Variants in HECW1 observed in about 807,000 individuals in gnomAD.
HECW1 encodes E3 ubiquitin-protein ligase HECW1.
In HECW1, 61 loss-of-function variants were observed where a neutral mutation model predicts 182.3. The observed-to-expected ratio is 0.33, with a 90% CI of 0.27 to 0.41. The LOEUF is 0.41. HECW1 is among the 10% of genes least tolerant of loss of function. The pLI, the probability that HECW1 is intolerant of heterozygous loss-of-function variation, is 1.00. For missense variants in HECW1, 1,739 were observed against 2,108.9 expected (o/e 0.82, Z 3.44); for synonymous variants, 859 against 832.6 (o/e 1.03, Z -0.55).
chr7:43,521,021 T>G (rs1172108158), intron 24 of HECW1, among the ~76,000 whole-genome samples: 1 of 152,172 alleles, frequency 6.6e-6, no homozygotes, highest in African/African-American at 2.4e-5. Context: ...AAACCCAGGT[T>G]TCATGCCTGC....
At chr7:43,217,231 C>T (rs1796526976) in intron 2 of HECW1, among the ~76,000 whole-genome samples, 1 of 152,220 alleles carries the variant, frequency 6.6e-6, no homozygotes, top group Non-Finnish European at 1.5e-5. Context: ...CCTTTCTCAT[C>T]TCTTCATATT....
intron 24 of HECW1, among the ~76,000 whole-genome samples, chr7:43,536,542 T>G (rs1012459753): frequency 3.9e-5 from 6 of 152,176 alleles, no homozygotes; most frequent in African/African-American, 1.2e-4. Flanking sequence ...CTGAGGTCTC[T>G]CTTGTGAAGA....
chr7:43,407,397 T>C (rs1360956348), intron 7 of HECW1, among the ~76,000 whole-genome samples, 165 bp from the exon 8 acceptor site: 1 of 152,124 alleles, frequency 6.6e-6, no homozygotes. Flanking sequence ...CCACGTTTCC[T>C]GGGGTGACCC....
chr7:43,172,593 G>A (rs1791804084), intron 2 of HECW1, among the ~76,000 whole-genome samples: 1 of 151,974 alleles, frequency 6.6e-6, no homozygotes, highest in Admixed American at 6.6e-5. Flanking sequence ...TTTTATAAAC[G>A]TGCTTTACAT....
intron 8 of HECW1, among the ~76,000 whole-genome samples, chr7:43,429,847 C>T (rs77096571): frequency 0.14 from 21,253 of 152,138 alleles, 1,789 homozygotes; most frequent in Middle Eastern, 0.23. Flanking sequence ...TTTCATTTCC[C>T]CCCTTTATAT....
intron 23 of HECW1, chr7:43,508,748 T>C (rs2079713126): frequency 1.8e-6 from 1 of 550,774 alleles, no homozygotes; most frequent in Non-Finnish European, 3.2e-6. Context: ...TAAGAGTTTA[T>C]TCATGGACAT....
At chr7:43,281,713 C>CTTT (rs55860415) in intron 3 of HECW1, among the ~76,000 whole-genome samples, 30 of 77,354 alleles carry the variant, frequency 3.9e-4, no homozygotes, top group African/African-American at 1.2e-3. Flanking sequence ...TCTTTGCTTT[C>CTTT]TTTTTTTTTT....
At chr7:43,125,516 G>T (rs918122345) in intron 2 of HECW1, among the ~76,000 whole-genome samples, 2 of 151,914 alleles carry the variant, frequency 1.3e-5, no homozygotes, top group African/African-American at 4.8e-5. Context: ...CAGCATTTTG[G>T]GAGGTCAAGG....
At chr7:43,537,996 C>CCCT (rs1340911124) in intron 24 of HECW1, among the ~76,000 whole-genome samples, 1 of 152,184 alleles carries the variant, frequency 6.6e-6, no homozygotes, top group African/African-American at 2.4e-5. Context: ...TGATCCCACC[C>CCCT]GCTGGTTGAG....
At chr7:43,516,841 TG>T (rs763923127) in intron 24 of HECW1, among the ~76,000 whole-genome samples, 33 of 152,328 alleles carry the variant, frequency 2.2e-4, no homozygotes, top group Admixed American at 6.5e-4. Flanking sequence ...GCAACAAACC[TG>T]CACAACATGT....
intron 3 of HECW1, among the ~76,000 whole-genome samples, chr7:43,258,132 G>C (rs1800778329): frequency 6.6e-6 from 1 of 152,142 alleles, no homozygotes; most frequent in Non-Finnish European, 1.5e-5. Context: ...CTGAGGTCAT[G>C]AGTTTGAGAC....
chr7:43,396,435 T>C (rs1179420030), intron 6 of HECW1, among the ~76,000 whole-genome samples: 1 of 152,260 alleles, frequency 6.6e-6, no homozygotes, highest in African/African-American at 2.4e-5. Flanking sequence ...AAATACATTA[T>C]AATTACAATA....
At chr7:43,167,002 G>A (rs1333545573) in intron 2 of HECW1, among the ~76,000 whole-genome samples, 1 of 152,372 alleles carries the variant, frequency 6.6e-6, no homozygotes, top group East Asian at 1.9e-4. Flanking sequence ...CAAGAGGCAT[G>A]ACCAGAGTGG....
intron 2 of HECW1, among the ~76,000 whole-genome samples, chr7:43,131,930 C>A (rs1421615554): frequency 6.6e-6 from 1 of 152,186 alleles, no homozygotes; most frequent in African/African-American, 2.4e-5. Context: ...TTGAAAGCTG[C>A]ATGCTGAGGA....
chr7:43,495,366 G>A (rs2079081424), intron 19 of HECW1, among the ~76,000 whole-genome samples: 1 of 151,996 alleles, frequency 6.6e-6, no homozygotes, highest in South Asian at 2.1e-4. Context: ...TGTAGTGTTT[G>A]GTTTTCTGTT....
chr7:43,378,909 AC>A (rs2074433758), intron 6 of HECW1, among the ~76,000 whole-genome samples: 1 of 151,864 alleles, frequency 6.6e-6, no homozygotes, highest in South Asian at 2.1e-4. Flanking sequence ...AAAATAAAAA[AC>A]CCTTTGCGCT....
intron 8 of HECW1, among the ~76,000 whole-genome samples, chr7:43,409,764 G>T (rs2075735637): frequency 6.6e-6 from 1 of 152,152 alleles, no homozygotes; most frequent in Non-Finnish European, 1.5e-5. Flanking sequence ...CTGGCTAAAG[G>T]AGATTTGAAC....
At position 43,306,378 on chromosome 7, in the gene HECW1, A is replaced by AT. The variant is rs58260043; in HGVS notation, c.28-5371dup. 5.5e-4 allele frequency among the ~76,000 whole-genome samples: 81 copies of AT among 146,398 alleles called. 1 individual carries two copies. The highest frequency in any genetic ancestry group is 3.5e-3 in the Middle Eastern group (1 of 288). On this transcript the variant is annotated intron_variant, in intron 3 of 29. Coordinates refer to ENST00000395891, the MANE Select transcript of HECW1 (RefSeq NM_015052.5). Reference sequence around the variant, plus strand: ...CCTTTGTAGAAAAAGATAAGCTTTGATTTTTTTTTTTTTTAAATCCCATTA... The same window carrying AT: ...CCTTTGTAGAAAAAGATAAGCTTTGATTTTTTTTTTTTTTTAAATCCCATTA...
At position 43,312,025 on chromosome 7, in the gene HECW1, T is replaced by G. The variant is rs1808592853; in HGVS notation, c.290T>G (p.Val97Gly). The change falls in exon 4 of 30, where the codon GTC becomes GGC. Residue 97 changes from valine to glycine, a missense_variant. Physicochemically the swap from Val to Gly is moderately radical, Grantham distance 109. Coordinates refer to ENST00000395891, the MANE Select transcript of HECW1 (RefSeq NM_015052.5). ...YYSIGHSQDL[V>G]IHWDIKEEVD... ...TCCATCGGGCACTCTCAGGACCTGG[T>G]CATCCACTGGGACATAAAGGAGGAA... 6.2e-7 allele frequency: 1 copy of G among 1,614,112 alleles called. No individual in the cohort carries two copies. The highest frequency in any genetic ancestry group is 8.5e-7 in the Non-Finnish European group (1 of 1,180,058).
Sources: gnomAD v4.1 joint callset for allele counts (sites outside exome capture counted in the v4.1 genomes callset) on GRCh38, gnomAD v4.1.1 for gene constraint, MANE v1.5 for transcripts, NCBI Gene and HGNC (gene_info 2026-07-23, HGNC 2026-07-21) for gene names.